Variants in PPM1E observed in about 807,000 individuals in gnomAD.
PPM1E encodes the protein protein phosphatase 1E.
A neutral mutation model predicts 65.9 loss-of-function variants in PPM1E; 20 were observed. The ratio of observed to expected loss-of-function variants is 0.30; its 90% CI spans 0.21 to 0.44. The LOEUF (loss-of-function observed/expected upper bound fraction) is 0.44. Ranked by LOEUF, PPM1E falls within the 20% of genes least tolerant of loss-of-function variation. The probability of loss-of-function intolerance (pLI) is 1.00; values close to 1 mark genes in which losing one functional copy is unlikely to be tolerated. For missense variants in PPM1E, 713 were observed against 953.1 expected (o/e 0.75, Z 3.32); for synonymous variants, 352 against 374.9 (o/e 0.94, Z 0.70).
chr17:58,851,564 T>C (rs1197061171), intron 1 of PPM1E, among the ~76,000 whole-genome samples: 1 of 152,228 alleles, frequency 6.6e-6, no homozygotes, highest in African/African-American at 2.4e-5. Context: ...ACTGTTTGCC[T>C]GGGTATCACC....
At chr17:58,977,653 T>C (rs1273448331) in intron 6 of PPM1E, among the ~76,000 whole-genome samples, 3 of 152,226 alleles carry the variant, frequency 2.0e-5, no homozygotes, top group Admixed American at 6.5e-5. Context: ...AGATAGGGCA[T>C]GTGCCCACAT....
intron 1 of PPM1E, among the ~76,000 whole-genome samples, chr17:58,869,979 A>G (rs574518766): frequency 5.3e-5 from 8 of 152,348 alleles, no homozygotes; most frequent in Admixed American, 1.3e-4. Context: ...AGCAAATCCA[A>G]TAGAATCCTG....
At chr17:58,837,852 G>C (rs1163483166) in intron 1 of PPM1E, among the ~76,000 whole-genome samples, 1 of 152,168 alleles carries the variant, frequency 6.6e-6, no homozygotes, top group African/African-American at 2.4e-5. Flanking sequence ...AGACAATGTA[G>C]TGTGCTGTTT....
chr17:58,903,957 A>G (rs997048113), intron 1 of PPM1E, among the ~76,000 whole-genome samples: 5 of 152,232 alleles, frequency 3.3e-5, no homozygotes, highest in African/African-American at 7.2e-5. Context: ...ACGCAGATCT[A>G]TAATGAAACC....
At chr17:58,805,317 C>G (rs919566683) in intron 1 of PPM1E, among the ~76,000 whole-genome samples, 2 of 152,172 alleles carry the variant, frequency 1.3e-5, no homozygotes, top group African/African-American at 4.8e-5. Context: ...ATGCCGCGAT[C>G]TCGGCTCACC....
At position 58,836,451 on chromosome 17, in the gene PPM1E, G is replaced by A. The variant is rs551775516; in HGVS notation, c.464+79990G>A. ...AGCCTGGGCGACAGAGTAAGATCCT[G>A]TCTTTACAAAAAAAAAATTTTTTTT... On this transcript the variant is annotated intron_variant, in intron 1 of 6. Coordinates refer to ENST00000308249, the MANE Select transcript of PPM1E (RefSeq NM_014906.5). Among the ~76,000 whole-genome samples, 108 of 149,432 alleles carry A rather than the reference G, an allele frequency of 7.2e-4. 1 individual carries two copies. The highest frequency in any genetic ancestry group is 1.3e-3 in the Non-Finnish European group (87 of 67,360).
rs746038003 is a variant in PPM1E at position 58,965,829 on chromosome 17, T to C, written c.719T>C (p.Met240Thr). ...YETSIHAIKN[M>T]RRKMEDKHVC... ...ACATCAATCCATGCCATCAAAAACA[T>C]GCGCAGGAAAATGGAGGACAAACAT... is the stretch of plus-strand genomic sequence containing the variant. The change falls in exon 3 of 7, where the codon ATG (methionine) becomes ACG (threonine). Residue 240 changes from methionine to threonine, a missense_variant. Transcript: ENST00000308249. The C allele has an allele frequency of 6.8e-6, 11 of 1,614,132 alleles. No homozygotes were observed. The highest frequency in any genetic ancestry group is 7.6e-6 in the Non-Finnish European group (9 of 1,180,014).
intron 1 of PPM1E, among the ~76,000 whole-genome samples, chr17:58,912,073 C>T (rs1281575170): frequency 6.6e-6 from 1 of 152,178 alleles, no homozygotes; most frequent in Non-Finnish European, 1.5e-5. Context: ...ACAATCTAAG[C>T]TGACCCTGGT....
chr17:58,981,487 A>C lies in PPM1E; in HGVS notation c.*456A>C. 6.5e-6 allele frequency: 1 copy of C among 154,106 alleles called. No homozygotes were observed. Among genetic ancestry groups the C allele is most frequent in the Non-Finnish European group, 1.4e-5 (1 of 69,398 alleles). The allele number at this position is 154,106 out of a possible 1,614,324, so 9.5% of individuals were successfully genotyped here. ...ATTTGGTTGGGAAATGTCCCTCAAA[A>C]TCCTGGGCACTATGAAGGAACCCCC... On this transcript the variant is annotated 3_prime_UTR_variant, in exon 7 of 7. Transcript: ENST00000308249.
chr17:58,861,412 G>T (rs189796187), intron 1 of PPM1E, among the ~76,000 whole-genome samples: 62 of 152,290 alleles, frequency 4.1e-4, no homozygotes, highest in African/African-American at 1.4e-3. Flanking sequence ...TCTTGGGAAA[G>T]CTGACTACCT....
At chr17:58,836,025 G>A (rs2050652329) in intron 1 of PPM1E, 3 of 152,110 alleles carry the variant, frequency 2.0e-5, no homozygotes, top group Admixed American at 1.3e-4. Flanking sequence ...ACTTAGAACA[G>A]TCAAGTAATT....
chr17:58,822,594 G>A (rs1157009731), intron 1 of PPM1E, among the ~76,000 whole-genome samples: 2 of 152,108 alleles, frequency 1.3e-5, no homozygotes, highest in South Asian at 2.1e-4. Flanking sequence ...ATAGAACGGG[G>A]TAACATTGCC....
intron 1 of PPM1E, among the ~76,000 whole-genome samples, chr17:58,950,927 C>T (rs375255076): frequency 6.7e-4 from 102 of 151,784 alleles, no homozygotes; most frequent in African/African-American, 2.1e-3. Context: ...TACAGGCGCC[C>T]GCCACCATGC....
chr17:58,962,177 G>A (rs577914661), intron 2 of PPM1E, among the ~76,000 whole-genome samples: 16 of 151,984 alleles, frequency 1.1e-4, no homozygotes, highest in South Asian at 2.1e-4. Context: ...CCAGCTACTC[G>A]GGAGGCTGAG....
At chr17:58,784,957 C>A (rs539788190) in intron 1 of PPM1E, among the ~76,000 whole-genome samples, 128 of 152,270 alleles carry the variant, frequency 8.4e-4, no homozygotes, top group African/African-American at 3.0e-3. Flanking sequence ...TCTTCACTTT[C>A]TTGATGGTAT....
At chr17:58,854,304 T>C (rs1242912726) in intron 1 of PPM1E, among the ~76,000 whole-genome samples, 1 of 152,198 alleles carries the variant, frequency 6.6e-6, no homozygotes, top group East Asian at 1.9e-4. Flanking sequence ...TGTGTGTATG[T>C]GTGTGTTTGT....
intron 1 of PPM1E, among the ~76,000 whole-genome samples, chr17:58,879,068 A>T (rs1334281797): frequency 6.6e-6 from 1 of 151,986 alleles, no homozygotes; most frequent in Non-Finnish European, 1.5e-5. Context: ...TAATCCAGAC[A>T]CTGGAATTTG....
intron 3 of PPM1E, among the ~76,000 whole-genome samples, chr17:58,967,513 T>TAGAG (rs1439684878): frequency 6.7e-6 from 1 of 149,278 alleles, no homozygotes; most frequent in African/African-American, 2.5e-5. Context: ...TGTATATATA[T>TAGAG]ATATATAGAG....
chr17:58,760,623 C>T (rs1372785329), intron 1 of PPM1E, among the ~76,000 whole-genome samples: 1 of 152,158 alleles, frequency 6.6e-6, no homozygotes, highest in African/African-American at 2.4e-5. Context: ...TACCCTTTAC[C>T]CAGAGTTAGC....
Sources: allele counts gnomAD v4.1 joint callset (sites outside exome capture counted in the v4.1 genomes callset), GRCh38; gene constraint gnomAD v4.1.1; transcripts MANE v1.5; gene names NCBI Gene and HGNC (gene_info 2026-07-23, HGNC 2026-07-21).